The following TPST1 variants were observed in gnomAD, a reference collection of about 807,000 sequenced individuals.
TPST1 encodes tyrosylprotein sulfotransferase 1.
TPST1 carries 20 observed loss-of-function variants against 34.8 expected under a neutral mutation model. The observed-to-expected ratio is 0.57, with a 90% confidence interval of 0.40 to 0.84. The LOEUF (loss-of-function observed/expected upper bound fraction) is 0.84, where lower values mean the gene tolerates loss of function less well. Ranked by LOEUF, TPST1 falls within the 40% of genes least tolerant of loss-of-function variation. The pLI is 0.00. For missense variants in TPST1, 353 were observed against 455.5 expected (o/e 0.78, Z 2.05); for synonymous variants, 152 against 159.4 (o/e 0.95, Z 0.35).
intron 3 of TPST1, among the ~76,000 whole-genome samples, chr7:66,345,489 C>CA (rs58837242): frequency 0.036 from 2,298 of 64,296 alleles, 24 homozygotes; most frequent in African/African-American, 0.076. Context: ...ACTCCATCTC[C>CA]AAAAAAAAAA....
rs541487853 is a variant in TPST1, at chr7:66,248,732, C to T, written c.845+7462C>T. On this transcript the variant is annotated intron_variant, in intron 2 of 5. Transcript: ENST00000304842. The stretch of plus-strand genomic sequence containing the variant: ...GTTTCACCATGTTAGCCAGGATGGC[C>T]TTGATCTCCTGACCTCATGATCCGC... 1.6e-4 allele frequency among the ~76,000 whole-genome samples: 24 copies of T among 152,096 alleles called. No individual in the cohort carries two copies. The South Asian group carries it at 2.9e-3, about 18-fold the overall frequency.
intron 3 of TPST1, among the ~76,000 whole-genome samples, chr7:66,321,049 T>C (rs759212029): frequency 3.3e-5 from 5 of 152,380 alleles, no homozygotes; most frequent in South Asian, 2.1e-4. Flanking sequence ...CTGGGAGTTA[T>C]ATTGGGAGTT....
chr7:66,305,580 T>C (rs1791406214), intron 3 of TPST1, among the ~76,000 whole-genome samples: 1 of 152,196 alleles, frequency 6.6e-6, no homozygotes, highest in South Asian at 2.1e-4. Flanking sequence ...AGCCTAGCTA[T>C]TATAGTACCT....
intron 2 of TPST1, among the ~76,000 whole-genome samples, chr7:66,262,291 C>G (rs1324396545): frequency 6.6e-6 from 1 of 152,136 alleles, no homozygotes; most frequent in African/African-American, 2.4e-5. Context: ...GGGGCAAAAC[C>G]CTGTCCTTCA....
chr7:66,263,126 A>T (rs1241975936), intron 2 of TPST1, among the ~76,000 whole-genome samples: 2 of 151,854 alleles, frequency 1.3e-5, no homozygotes, highest in Non-Finnish European at 2.9e-5. Context: ...ATAAAAAAAT[A>T]AAAAAATAAA....
chr7:66,275,531 A>G (rs1790790636), intron 2 of TPST1, among the ~76,000 whole-genome samples: 2 of 152,368 alleles, frequency 1.3e-5, no homozygotes. Flanking sequence ...ACAATGGAAT[A>G]CTATTTAGCC....
At chr7:66,313,636 A>T (rs1791576541) in intron 3 of TPST1, among the ~76,000 whole-genome samples, 1 of 152,142 alleles carries the variant, frequency 6.6e-6, no homozygotes, top group African/African-American at 2.4e-5. Context: ...CCAGGATTTC[A>T]TGAAACAAAG....
In TPST1 at chr7:66,242,812, C is replaced by G. The variant is rs537820397; in HGVS notation, c.845+1542C>G. On this transcript the variant is annotated intron_variant, in intron 2 of 5. Coordinates refer to ENST00000304842, the MANE Select transcript of TPST1 (RefSeq NM_003596.4). ...AGGAAGAGAACATTTTGTGTATATA[C>G]TTGCTATGTTTAAGGTAAACATAAA... 8.4e-4 allele frequency among the ~76,000 whole-genome samples: 128 copies of G among 152,168 alleles called. 1 individual carries two copies. The South Asian group carries it at 0.013, about 15-fold the overall frequency.
At chr7:66,246,539 C>T (rs1324471581) in intron 2 of TPST1, among the ~76,000 whole-genome samples, 1 of 152,172 alleles carries the variant, frequency 6.6e-6, no homozygotes, top group African/African-American at 2.4e-5. Context: ...AACATTTGTA[C>T]TTTTCTTGGA....
intron 3 of TPST1, among the ~76,000 whole-genome samples, chr7:66,300,259 CA>C (rs1791287401): frequency 3.9e-5 from 6 of 152,328 alleles, no homozygotes; most frequent in Middle Eastern, 3.4e-3. Context: ...ACAATATTCA[CA>C]GCATCTTCAC....
chr7:66,335,571 G>A (rs967684007), intron 3 of TPST1, among the ~76,000 whole-genome samples: 1 of 152,130 alleles, frequency 6.6e-6, no homozygotes, highest in East Asian at 1.9e-4. Context: ...TTTACCTTTC[G>A]GTGGTCACTA....
intron 1 of TPST1, among the ~76,000 whole-genome samples, chr7:66,221,093 A>C (rs946509046): frequency 6.6e-6 from 1 of 151,874 alleles, no homozygotes; most frequent in Non-Finnish European, 1.5e-5. Flanking sequence ...AGATTGTGCC[A>C]CTGCACTCCA....
At chr7:66,219,283 A>T (rs1481425342) in intron 1 of TPST1, among the ~76,000 whole-genome samples, 1 of 152,144 alleles carries the variant, frequency 6.6e-6, no homozygotes, top group Admixed American at 6.5e-5. Context: ...ATTTTGGGCT[A>T]GAGGCATAAT....
intron 3 of TPST1, among the ~76,000 whole-genome samples, chr7:66,322,394 A>G (rs1296274088): frequency 6.6e-6 from 1 of 152,130 alleles, no homozygotes; most frequent in Non-Finnish European, 1.5e-5. Context: ...ATAACTCTCC[A>G]TTCTTCTTCT....
chr7:66,198,942 C>T, the TPST1 span, among the ~76,000 whole-genome samples: 1 of 152,200 alleles, frequency 6.6e-6, no homozygotes, highest in African/African-American at 2.4e-5. Context: ...GCCATTGACT[C>T]TCTGATGCTG....
intron 3 of TPST1, among the ~76,000 whole-genome samples, chr7:66,299,763 T>C (rs1438818431): frequency 2.0e-5 from 3 of 152,324 alleles, no homozygotes; most frequent in South Asian, 2.1e-4. Context: ...TCTTTACCCA[T>C]TCTGTTGATC....
intron 1 of TPST1, among the ~76,000 whole-genome samples, chr7:66,210,819 G>C (rs561830671): frequency 6.6e-6 from 1 of 152,126 alleles, no homozygotes; most frequent in South Asian, 2.1e-4. Context: ...GAAAAAACTA[G>C]CCAGGCACAT....
At chr7:66,231,321 G>T (rs534044510) in intron 1 of TPST1, among the ~76,000 whole-genome samples, 1 of 152,266 alleles carries the variant, frequency 6.6e-6, no homozygotes. Flanking sequence ...CACCGGGGCT[G>T]CATGTGGAGC....
intron 2 of TPST1, among the ~76,000 whole-genome samples, chr7:66,274,886 G>A (rs1336167731): frequency 3.9e-5 from 6 of 152,102 alleles, no homozygotes; most frequent in Non-Finnish European, 8.8e-5. Context: ...CCTCATACCT[G>A]TTAGAATGGC....
Sources: allele counts gnomAD v4.1 joint callset (sites outside exome capture counted in the v4.1 genomes callset), GRCh38; gene constraint gnomAD v4.1.1; transcripts MANE v1.5; gene names NCBI Gene and HGNC (gene_info 2026-07-23, HGNC 2026-07-21).